The following FBXW8 variants were observed in gnomAD, a reference collection of about 807,000 sequenced individuals.
FBXW8 encodes F-box and WD repeat domain containing 8.
In FBXW8, 57 loss-of-function variants were observed where a neutral mutation model predicts 65.3. That is an observed-to-expected ratio of 0.87 (90% CI 0.71 to 1.09). The LOEUF (loss-of-function observed/expected upper bound fraction) is 1.09, where lower values mean the gene tolerates loss of function less well. Among genes scored for constraint, FBXW8 ranks in the 50% least tolerant of loss-of-function variants. The pLI, the probability that FBXW8 is intolerant of heterozygous loss-of-function variation, is 0.00. For synonymous variants in FBXW8, 308 were observed against 330.2 expected, an observed-to-expected ratio of 0.93 and a Z score of 0.73; for missense variants, 777 against 814.8, an observed-to-expected ratio of 0.95 and a Z score of 0.57.
chr12:116,959,846 G>A lies in FBXW8; in HGVS notation c.678-4851G>A, dbSNP rs372180177. The stretch of plus-strand genomic sequence containing the variant: ...AGAGGTAAACTCAACCTTGCCAAGT[G>A]TAGAAAAGACTGGGAAAGCACACAG... On this transcript the variant is annotated intron_variant, in intron 4 of 10. Transcript: ENST00000652555. Among the ~76,000 whole-genome samples the A allele has an allele frequency of 7.2e-4, 110 of 152,324 alleles. 2 individuals are homozygous for A. The South Asian group carries it at 0.021, about 29-fold the overall frequency.
At chr12:116,948,395 A>G (rs1436372616) in intron 3 of FBXW8, among the ~76,000 whole-genome samples, 2 of 152,040 alleles carry the variant, frequency 1.3e-5, no homozygotes, top group Non-Finnish European at 2.9e-5. Context: ...GTCTAGTTTT[A>G]TCTCTCAGCC....
At chr12:116,945,276 C>A in intron 2 of FBXW8, 88 bp from the exon 3 acceptor site, 3 of 1,331,976 alleles carry the variant, frequency 2.3e-6, no homozygotes, top group Admixed American at 2.1e-5. Context: ...AAACCCAGGG[C>A]AATAATATAG....
intron 5 of FBXW8, among the ~76,000 whole-genome samples, chr12:116,971,802 T>C (rs558722985): frequency 6.6e-6 from 1 of 152,262 alleles, no homozygotes; most frequent in African/African-American, 2.4e-5. Flanking sequence ...AATTTACACT[T>C]TGTGTTTGAG....
In FBXW8 at chr12:116,933,668, C is replaced by T. The variant is rs116981911; in HGVS notation, c.423+5541C>T. Among the ~76,000 whole-genome samples the T allele has an allele frequency of 9.9e-3, 1,509 of 152,300 alleles. 16 individuals carry two copies. The highest frequency in any genetic ancestry group is 0.022 in the Admixed American group (343 of 15,298). On this transcript the variant is annotated intron_variant, in intron 2 of 10. Coordinates refer to ENST00000652555, the MANE Select transcript of FBXW8 (RefSeq NM_153348.3). ...ATATTCTTAAACAGAACCCCGTTAG[C>T]GTACAGTGACTAAGTTAGCTGTGAT...
rs77896200 is a variant in FBXW8, at chr12:116,974,798, A to G, written c.835+9944A>G. ...AACAGTAAGCACAGCTAGTGCCCAG[A>G]TTTTGGTTTCTAAATGTTCTTCAAT... is the stretch of plus-strand genomic sequence containing the variant. On this transcript the variant is annotated intron_variant, in intron 5 of 10. Transcript: ENST00000652555. Among the ~76,000 whole-genome samples, 913 of 152,316 alleles carry G rather than the reference A, an allele frequency of 6.0e-3. 5 individuals carry two copies. Among genetic ancestry groups the G allele is most frequent in the African/African-American group, 0.021 (854 of 41,580 alleles).
intron 8 of FBXW8, among the ~76,000 whole-genome samples, chr12:117,015,126 C>G (rs1953920792): frequency 6.6e-6 from 1 of 152,136 alleles, no homozygotes; most frequent in Non-Finnish European, 1.5e-5. Flanking sequence ...GATGGAGTTT[C>G]TATTGGAGTT....
Position 116,992,001 on chromosome 12 carries a change from A to G in FBXW8, c.1239+3132A>G, listed in dbSNP as rs1953252143. Among the ~76,000 whole-genome samples the G allele has an allele frequency of 2.6e-5, 4 of 152,174 alleles. No individual in the cohort carries two copies. In the South Asian group the frequency reaches 8.3e-4, roughly 32 times the overall value. ...TATCTGGCTAGCCAACCCATTGTGT[A>G]TTCATCCCAAATACTGAGCTCCAGT... is the stretch of plus-strand genomic sequence containing the variant. On this transcript the variant is annotated intron_variant, in intron 7 of 10. Coordinates refer to ENST00000652555, the MANE Select transcript of FBXW8 (RefSeq NM_153348.3).
intron 5 of FBXW8, among the ~76,000 whole-genome samples, chr12:116,982,623 A>ATT (rs11288865): frequency 0.02 from 2,895 of 143,486 alleles, 76 homozygotes; most frequent in African/African-American, 0.058. Flanking sequence ...GGAGCCCTGG[A>ATT]TTTTTTTTTT....
intron 7 of FBXW8, among the ~76,000 whole-genome samples, chr12:116,999,350 G>A (rs1332871143): frequency 1.3e-5 from 2 of 152,194 alleles, no homozygotes; most frequent in Non-Finnish European, 2.9e-5. Flanking sequence ...TGGGATGACC[G>A]ACTGGCCCCA....
intron 8 of FBXW8, among the ~76,000 whole-genome samples, chr12:117,019,521 G>A (rs949954022): frequency 6.6e-6 from 1 of 152,176 alleles, no homozygotes; most frequent in Non-Finnish European, 1.5e-5. Context: ...ACATGGCCTA[G>A]CAGGAAGAAG....
At chr12:116,927,875 A>C in intron 1 of FBXW8, 148 bp from the exon 2 acceptor site, 1 of 587,366 alleles carries the variant, frequency 1.7e-6, no homozygotes, top group Non-Finnish European at 3.0e-6. Context: ...CTGCCTGGTG[A>C]AACAGTATGG....
chr12:116,976,280 G>A, intron 5 of FBXW8, among the ~76,000 whole-genome samples: 1 of 151,448 alleles, frequency 6.6e-6, no homozygotes, highest in Non-Finnish European at 1.5e-5. Flanking sequence ...TGGTACCCTT[G>A]TGTTCTTTTG....
At chr12:117,001,217 G>A (rs1453379229) in intron 7 of FBXW8, among the ~76,000 whole-genome samples, 1 of 152,186 alleles carries the variant, frequency 6.6e-6, no homozygotes, top group African/African-American at 2.4e-5. Context: ...AGTAGAGGCC[G>A]TTATGCCTTA....
chr12:116,933,659 C>A (rs1460904442), intron 2 of FBXW8, among the ~76,000 whole-genome samples: 2 of 152,162 alleles, frequency 1.3e-5, no homozygotes, highest in Non-Finnish European at 2.9e-5. Flanking sequence ...TTAAACAGAA[C>A]CCCGTTAGCG....
In FBXW8 at chr12:116,931,454, C is replaced by T. The variant is rs1364669439; in HGVS notation, c.423+3327C>T. Among the ~76,000 whole-genome samples, 5 of 152,042 alleles carry T rather than the reference C, an allele frequency of 3.3e-5. No homozygotes were observed. In the South Asian group the frequency reaches 6.2e-4, roughly 19 times the overall value. On this transcript the variant is annotated intron_variant, in intron 2 of 10. Coordinates refer to ENST00000652555, the MANE Select transcript of FBXW8 (RefSeq NM_153348.3). ...GAATTTTTATAGAGATTGCATTTCA[C>T]TCACTTTGAGTAGTATGGACATTTT...
intron 4 of FBXW8, among the ~76,000 whole-genome samples, chr12:116,956,871 G>A (rs1006455228): frequency 3.3e-5 from 5 of 152,094 alleles, no homozygotes; most frequent in African/African-American, 4.8e-5. Context: ...GGGAGGCTGA[G>A]GCAGAAGAAT....
intron 1 of FBXW8, among the ~76,000 whole-genome samples, chr12:116,911,713 G>GT (rs1879960415): frequency 6.6e-6 from 1 of 150,566 alleles, no homozygotes; most frequent in Admixed American, 6.6e-5. Context: ...CAAAATATCA[G>GT]TAAGTGTGGG....
intron 1 of FBXW8, among the ~76,000 whole-genome samples, chr12:116,913,664 T>C (rs1359960134): frequency 6.6e-6 from 1 of 152,132 alleles, no homozygotes; most frequent in Non-Finnish European, 1.5e-5. Flanking sequence ...GCTGTCATAG[T>C]GGTGGCAGAG....
Position 116,949,660 on chromosome 12 carries a change from A to G in FBXW8, c.631A>G (p.Thr211Ala), listed in dbSNP as rs36021180. The G allele has an allele frequency of 5.8e-3, 9,395 of 1,614,144 alleles. 105 individuals are homozygous for G. The highest frequency in any genetic ancestry group is 0.047 in the African/African-American group (3,554 of 75,018). The change falls in exon 4 of 11, where the codon ACA becomes GCA. Residue 211 changes from threonine (T) to alanine (A), a missense_variant. Physicochemically the swap from Thr to Ala is moderately conservative, Grantham distance 58. Transcript: ENST00000652555. The stretch of plus-strand genomic sequence containing the variant: ...GAGCGAGCTGGAGCATGTTCCTGAC[A>G]CAGTTTTGTGTGATGTGCATTCTCA... The part of the protein sequence containing the change: ...AVSELEHVPD[T>A]VLCDVHSHDG...
Sources: gnomAD v4.1 joint callset for allele counts (sites outside exome capture counted in the v4.1 genomes callset) on GRCh38, gnomAD v4.1.1 for gene constraint, MANE v1.5 for transcripts, NCBI Gene and HGNC (gene_info 2026-07-23, HGNC 2026-07-21) for gene names.